Variants in BACE2 observed in about 807,000 individuals in gnomAD.
BACE2 encodes the protein beta-secretase 2, also known as 56 kDa aspartic-like protease.
Under a neutral mutation model 46.2 loss-of-function variants are expected in BACE2, and 17 were observed. That is an observed-to-expected ratio of 0.37 (90% CI 0.25 to 0.55). The LOEUF (loss-of-function observed/expected upper bound fraction) is 0.55. BACE2 is among the 20% of genes least tolerant of loss of function. The pLI is 0.82. For synonymous variants in BACE2, 277 were observed against 295.9 expected (o/e 0.94, Z 0.66); for missense variants, 595 against 698.1 (o/e 0.85, Z 1.66).
At chr21:41,269,845 C>T (rs1301057566) in intron 8 of BACE2, among the ~76,000 whole-genome samples, 1 of 152,114 alleles carries the variant, frequency 6.6e-6, no homozygotes, top group Non-Finnish European at 1.5e-5. Flanking sequence ...TTTATTTCTC[C>T]TGGATAAACA....
intron 8 of BACE2, among the ~76,000 whole-genome samples, chr21:41,262,225 T>C (rs1987956849): frequency 6.6e-6 from 1 of 152,212 alleles, no homozygotes; most frequent in Non-Finnish European, 1.5e-5. Context: ...CCTAATGATA[T>C]ACCGCATTGA....
chr21:41,240,348 G>A (rs779498683), intron 3 of BACE2, among the ~76,000 whole-genome samples: 1 of 152,210 alleles, frequency 6.6e-6, no homozygotes, highest in Non-Finnish European at 1.5e-5. Flanking sequence ...GGTTGGTTGT[G>A]GGCACCTGGA....
At chr21:41,232,932 G>A (rs1379138330) in intron 2 of BACE2, among the ~76,000 whole-genome samples, 3 of 147,812 alleles carry the variant, frequency 2.0e-5, no homozygotes, top group Admixed American at 6.8e-5. Flanking sequence ...GCAGTGGCAC[G>A]ATATCGGCTC....
At chr21:41,264,638 C>T (rs1238858633) in intron 8 of BACE2, among the ~76,000 whole-genome samples, 1 of 151,988 alleles carries the variant, frequency 6.6e-6, no homozygotes, top group Non-Finnish European at 1.5e-5. Context: ...ACAACCATAT[C>T]TTGTGAGAAC....
chr21:41,187,374 G>T (rs1276836235), intron 1 of BACE2, among the ~76,000 whole-genome samples: 1 of 152,202 alleles, frequency 6.6e-6, no homozygotes, highest in African/African-American at 2.4e-5. Flanking sequence ...GCCCAGGAAG[G>T]GTGTGGCTGG....
At chr21:41,218,887 A>T (rs921774518) in intron 1 of BACE2, among the ~76,000 whole-genome samples, 1 of 139,858 alleles carries the variant, frequency 7.2e-6, no homozygotes, top group African/African-American at 2.7e-5. Flanking sequence ...TTTTTGTGAC[A>T]GAGTCTCGCT....
intron 7 of BACE2, 145 bp downstream of exon 7, chr21:41,251,046 T>C: frequency 1.1e-6 from 1 of 891,488 alleles, no homozygotes; most frequent in East Asian, 2.7e-5. Context: ...ATATTACTGC[T>C]CCTGAGTCCA....
rs943304400 is a variant in BACE2 at position 41,281,940 on chromosome 21, C to G, written c.*6316C>G. ...GAGATTTGTCATGTGCTAATAAAAG[C>G]TGAATTTTTGTAATCTAAAATGATG... On this transcript the variant is annotated 3_prime_UTR_variant, in exon 9 of 9. Coordinates refer to ENST00000330333, the MANE Select transcript of BACE2 (RefSeq NM_012105.5). 1 of 152,162 alleles carries G rather than the reference C, an allele frequency of 6.6e-6. No homozygotes were observed. The highest frequency in any genetic ancestry group is 2.4e-5 in the African/African-American group (1 of 41,454). 9.4% of individuals were successfully genotyped at this position (152,162 alleles called of 1,614,324 possible).
chr21:41,246,727 C>G (rs1362128060), intron 6 of BACE2, among the ~76,000 whole-genome samples: 1 of 152,154 alleles, frequency 6.6e-6, no homozygotes, highest in Non-Finnish European at 1.5e-5. Context: ...CCCCAACTTT[C>G]CAGTCAGTTC....
intron 1 of BACE2, among the ~76,000 whole-genome samples, chr21:41,208,955 C>T (rs1331339154): frequency 6.6e-6 from 1 of 152,154 alleles, no homozygotes; most frequent in Non-Finnish European, 1.5e-5. Flanking sequence ...CTCACCATAG[C>T]CTAGGATACC....
intron 1 of BACE2, among the ~76,000 whole-genome samples, chr21:41,217,865 C>T (rs756817345): frequency 2.0e-5 from 3 of 152,186 alleles, no homozygotes; most frequent in Admixed American, 6.5e-5. Flanking sequence ...CCTGGGGACA[C>T]GCCTCCATGA....
At chr21:41,272,889 G>A (rs541531250) in intron 8 of BACE2, among the ~76,000 whole-genome samples, 11 of 152,114 alleles carry the variant, frequency 7.2e-5, no homozygotes, top group South Asian at 2.1e-4. Context: ...GAAACCTATC[G>A]GGGGAACCTG....
intron 1 of BACE2, among the ~76,000 whole-genome samples, chr21:41,219,607 A>G (rs989973187): frequency 9.2e-5 from 14 of 152,216 alleles, no homozygotes; most frequent in African/African-American, 3.4e-4. Flanking sequence ...TCCTTCAGGA[A>G]TATCTGGTTC....
In BACE2 at chr21:41,272,905, G is replaced by A. The variant is rs560911368; in HGVS notation, c.1304-2466G>A. 3.3e-5 allele frequency among the ~76,000 whole-genome samples: 5 copies of A among 152,196 alleles called. No individual in the cohort carries two copies. In the East Asian group the frequency reaches 7.7e-4, roughly 23 times the overall value. ...AAACCTATCGGGGGAACCTGCCCCC[G>A]ATAATTCAACATTATTTCACGTAGG... On this transcript the variant is annotated intron_variant, in intron 8 of 8. Transcript: ENST00000330333.
Position 41,169,755 on chromosome 21 carries a change from GA to G in BACE2, c.312+1189del, listed in dbSNP as rs898599548. ...TGTAGTTGTTTAATTAGTTTAGGGGGAAAAAAAAACCTTCAAAAGCGTATAT... is the reference window on the plus strand; with the variant it reads ...TGTAGTTGTTTAATTAGTTTAGGGGGAAAAAAAACCTTCAAAAGCGTATAT... On this transcript the variant is annotated intron_variant, in intron 1 of 8. Coordinates refer to ENST00000330333, the MANE Select transcript of BACE2 (RefSeq NM_012105.5). Among the ~76,000 whole-genome samples, 221 of 150,924 alleles carry G rather than the reference GA, an allele frequency of 1.5e-3. 1 individual carries two copies. The highest frequency in any genetic ancestry group is 3.9e-3 in the African/African-American group (160 of 41,148).
At position 41,275,799 on chromosome 21, in the gene BACE2, T is replaced by C; in HGVS notation, c.*175T>C. 1.3e-6 allele frequency: 1 copy of C among 769,918 alleles called. No individual in the cohort carries two copies. Among genetic ancestry groups the C allele is most frequent in the East Asian group, 2.7e-5 (1 of 36,810 alleles). 47.7% of individuals were successfully genotyped at this position (769,918 alleles called of 1,614,324 possible). A position where few individuals can be genotyped will look rare whatever the true frequency, so the allele number is the denominator to read the frequency against. On this transcript the variant is annotated 3_prime_UTR_variant, in exon 9 of 9. Transcript: ENST00000330333. ...GTCTTTTGATTCTTGATTTTCAAGC[T>C]TTCAAATCCTCCCTACTTCCAAGAA...
chr21:41,270,517 A>G (rs1465894695), intron 8 of BACE2, among the ~76,000 whole-genome samples: 2 of 152,152 alleles, frequency 1.3e-5, no homozygotes, highest in Admixed American at 6.5e-5. Flanking sequence ...CCTGGCCTCA[A>G]GTGATCCTCC....
intron 8 of BACE2, among the ~76,000 whole-genome samples, chr21:41,265,420 A>G (rs539100359): frequency 2.4e-4 from 36 of 152,308 alleles, no homozygotes; most frequent in Middle Eastern, 3.4e-3. Flanking sequence ...GTTACCTTCC[A>G]TAGAGCTTAT....
At chr21:41,256,236 C>A (rs1987784416) in intron 7 of BACE2, among the ~76,000 whole-genome samples, 1 of 152,124 alleles carries the variant, frequency 6.6e-6, no homozygotes, top group Non-Finnish European at 1.5e-5. Flanking sequence ...GTTATCCCTC[C>A]CCTAGCCCTC....
Sources: gnomAD v4.1 joint callset for allele counts (sites outside exome capture counted in the v4.1 genomes callset) on GRCh38, gnomAD v4.1.1 for gene constraint, MANE v1.5 for transcripts, NCBI Gene and HGNC (gene_info 2026-07-23, HGNC 2026-07-21) for gene names.